USP24: variants seen among roughly 807,000 people sequenced by gnomAD.
The protein encoded by USP24 is ubiquitin carboxyl-terminal hydrolase 24.
In USP24, 97 loss-of-function variants were observed where a neutral mutation model predicts 361.6. The ratio of observed to expected loss-of-function variants is 0.27; its 90% CI spans 0.23 to 0.32. The LOEUF (loss-of-function observed/expected upper bound fraction) is 0.32. USP24 is among the 10% of genes least tolerant of loss of function. USP24 has a pLI of 1.00. For synonymous variants in USP24, 1,098 were observed against 1,124.6 expected, an observed-to-expected ratio of 0.98 and a Z score of 0.47; for missense variants, 2,353 against 3,165.6, an observed-to-expected ratio of 0.74 and a Z score of 6.16.
intron 38 of USP24, among the ~76,000 whole-genome samples, chr1:55,119,464 TG>T: frequency 6.6e-6 from 1 of 152,196 alleles, no homozygotes; most frequent in East Asian, 1.9e-4. Context: ...CAGTTTAGGA[TG>T]GCAAAAGAGT....
intron 1 of USP24, among the ~76,000 whole-genome samples, chr1:55,206,799 C>T (rs911594748): frequency 6.6e-6 from 1 of 151,940 alleles, no homozygotes; most frequent in Admixed American, 6.6e-5. Context: ...TAGAATAACA[C>T]AGACAATTAA....
rs80113280 is a variant in USP24, at chr1:55,077,102, C to T, written c.7380+133G>A. ...AAATGCATTAGACACATGACTGACA[C>T]GAAGATTTGGTCTCAATAAATGCAG... On this transcript the variant is annotated intron_variant, in intron 62 of 67. Coordinates refer to ENST00000294383, the MANE Select transcript of USP24 (RefSeq NM_015306.3). The T allele has an allele frequency of 8.7e-4, 736 of 845,100 alleles. 4 individuals carry two copies. The African/African-American group carries it at 0.012, about 13-fold the overall frequency. 52.4% of individuals were successfully genotyped at this position (845,100 alleles called of 1,614,324 possible). A position where few individuals can be genotyped will look rare whatever the true frequency, so the allele number is the denominator to read the frequency against.
At chr1:55,108,820 G>C (rs1002158943) in intron 39 of USP24, among the ~76,000 whole-genome samples, 5 of 152,186 alleles carry the variant, frequency 3.3e-5, no homozygotes, top group Non-Finnish European at 5.9e-5. Flanking sequence ...TTCCCTGGGA[G>C]CCTGGGTGAA....
chr1:55,098,684 G>A, intron 45 of USP24, 126 bp from the exon 46 acceptor site: 1 of 698,940 alleles, frequency 1.4e-6, no homozygotes, highest in Non-Finnish European at 2.5e-6. Context: ...ATCAGCTGTG[G>A]TGAATGGAGG....
At chr1:55,210,150 T>C (rs563786517) in intron 1 of USP24, among the ~76,000 whole-genome samples, 3 of 152,282 alleles carry the variant, frequency 2.0e-5, no homozygotes, top group South Asian at 2.1e-4. Context: ...CCAAATTACA[T>C]TCATTCTAAA....
intron 31 of USP24, among the ~76,000 whole-genome samples, chr1:55,130,962 A>C (rs1646575001): frequency 6.6e-6 from 1 of 152,244 alleles, no homozygotes; most frequent in South Asian, 2.1e-4. Context: ...AGAAGTCTTA[A>C]AATGATACCA....
intron 24 of USP24, among the ~76,000 whole-genome samples, chr1:55,141,193 CCT>C (rs1233217112): frequency 6.6e-6 from 1 of 151,698 alleles, no homozygotes; most frequent in Non-Finnish European, 1.5e-5. Flanking sequence ...CTATTAATGC[CCT>C]GAGTTTGACT....
At chr1:55,185,456 A>G (rs1644101919) in intron 1 of USP24, among the ~76,000 whole-genome samples, 1 of 152,010 alleles carries the variant, frequency 6.6e-6, no homozygotes, top group Non-Finnish European at 1.5e-5. Context: ...TGGTTCTTTG[A>G]AAAAATTTAA....
chr1:55,157,143 A>G, intron 11 of USP24, 92 bp from the exon 12 acceptor site: 1 of 1,374,704 alleles, frequency 7.3e-7, no homozygotes. Context: ...AACTTACTAT[A>G]AGATCATTTA....
intron 1 of USP24, among the ~76,000 whole-genome samples, chr1:55,208,788 T>C (rs535794701): frequency 6.6e-6 from 1 of 150,654 alleles, no homozygotes; most frequent in East Asian, 2.0e-4. Context: ...ATACAAAAAT[T>C]AGCAGAGCGT....
chr1:55,149,472 T>C (rs1303630066), intron 16 of USP24, among the ~76,000 whole-genome samples: 8 of 152,202 alleles, frequency 5.3e-5, no homozygotes, highest in Admixed American at 4.6e-4. Flanking sequence ...GAAATACACT[T>C]TTGTTGTCTT....
chr1:55,177,875 A>G (rs1273402271), intron 2 of USP24, 92 bp downstream of exon 2: 2 of 1,237,012 alleles, frequency 1.6e-6, no homozygotes, highest in Non-Finnish European at 2.2e-6. Context: ...TCTGTCCAAT[A>G]ACACACAGCT....
chr1:55,105,072 C>G (rs1429667016), intron 41 of USP24, among the ~76,000 whole-genome samples: 1 of 152,108 alleles, frequency 6.6e-6, no homozygotes, highest in Non-Finnish European at 1.5e-5. Flanking sequence ...TTAATCAAGG[C>G]ACTGTATATG....
In USP24 at chr1:55,148,574, G is replaced by A; in HGVS notation, c.1861-4C>T. On this transcript the variant is annotated splice_polypyrimidine_tract_variant and splice_region_variant and intron_variant, in intron 16 of 67. Transcript: ENST00000294383. ...GGGGATTATTAAGCTGAGATGACTA[G>A]AGTTAAAAAGAAGTTACATTAATTA... 6.5e-7 allele frequency: 1 copy of A among 1,544,956 alleles called. No individual in the cohort carries two copies. Among genetic ancestry groups the A allele is most frequent in the Non-Finnish European group, 8.8e-7 (1 of 1,142,732 alleles).
intron 39 of USP24, among the ~76,000 whole-genome samples, chr1:55,107,924 C>T (rs1427417876): frequency 6.6e-6 from 1 of 150,586 alleles, no homozygotes; most frequent in East Asian, 1.9e-4. Flanking sequence ...CTGCTGCCCA[C>T]AGGGAATGAA....
chr1:55,214,825 G>T lies in USP24; in HGVS notation c.289C>A (p.Pro97Thr). The change falls in exon 1 of 68, where the codon CCC (proline) becomes ACC (threonine). Residue 97 changes from proline to threonine, a missense_variant. Physicochemically the swap from Pro to Thr is conservative, Grantham distance 38. Around this residue, in one of 8 missense-constraint regions of USP24, gnomAD observed 253 missense variants for 255.3 expected, o/e 0.99. Coordinates refer to ENST00000294383, the MANE Select transcript of USP24 (RefSeq NM_015306.3). ...GSTGGGGGFD[P>T]PPAYHEVVDA... Reference sequence around the variant, plus strand: ...ACCACCTCGTGGTAGGCGGGCGGGGGGTCGAAGCCGCCCCCGCCTCCGGTG... The same window carrying T: ...ACCACCTCGTGGTAGGCGGGCGGGGTGTCGAAGCCGCCCCCGCCTCCGGTG... 8.2e-7 allele frequency: 1 copy of T among 1,223,782 alleles called. No individual in the cohort carries two copies. Among genetic ancestry groups the T allele is most frequent in the Non-Finnish European group, 1.0e-6 (1 of 973,686 alleles). The allele number at this position is 1,223,782 out of a possible 1,614,324, so 75.8% of individuals were successfully genotyped here.
chr1:55,170,662 C>T (rs1208759007), intron 5 of USP24, among the ~76,000 whole-genome samples: 1 of 152,162 alleles, frequency 6.6e-6, no homozygotes, highest in Non-Finnish European at 1.5e-5. Context: ...TATTCACTGT[C>T]CTTTCCACTC....
In USP24 at chr1:55,123,521, G is replaced by A. The variant is rs1242227252; in HGVS notation, c.4202C>T (p.Thr1401Ile). 3 of 1,604,054 alleles carry A rather than the reference G, an allele frequency of 1.9e-6. No homozygotes were observed. The highest frequency in any genetic ancestry group is 2.2e-5 in the East Asian group (1 of 44,584). ...CTCTCCCGCAATCAGCGAGTCTTTG[G>A]TGGATACAGACTGTTGTCGAACACA... ...GICVRQQSVS[T>I]KDSLIAGEAL... Residue 1401 changes from threonine (T) to isoleucine (I), a missense_variant, in exon 36 of 68, where the codon ACC becomes ATC. By Grantham distance (89) the Thr-to-Ile change is moderately conservative. Transcript: ENST00000294383.
chr1:55,154,197 T>C lies in USP24; in HGVS notation c.1734A>G (p.Thr578=). The change falls in exon 15 of 68, where the codon ACA becomes ACG. Residue 578 remains threonine (T), a synonymous_variant. Coordinates refer to ENST00000294383, the MANE Select transcript of USP24 (RefSeq NM_015306.3). ...LIQQALEEHL[T]ILSDAYAVKE... The stretch of plus-strand genomic sequence containing the variant: ...TCACTGCATATGCATCACTAAGGAT[T>C]GTCAGGTGCTCCTCCAAGGCCTGCT... The C allele has an allele frequency of 6.2e-7, 1 of 1,613,664 alleles. No individual in the cohort carries two copies. The highest frequency in any genetic ancestry group is 8.5e-7 in the Non-Finnish European group (1 of 1,179,712).
Sources: allele counts gnomAD v4.1 joint callset (sites outside exome capture counted in the v4.1 genomes callset), GRCh38; gene constraint gnomAD v4.1.1; regional missense constraint gnomAD v4.1.1; transcripts MANE v1.5; gene names NCBI Gene and HGNC (gene_info 2026-07-23, HGNC 2026-07-21).